The following DLEC1 variants were observed in gnomAD, a reference collection of about 807,000 sequenced individuals.
DLEC1 encodes DLEC1 cilia and flagella associated protein.
In DLEC1, 146 loss-of-function variants were observed where a neutral mutation model predicts 198.1. That is an observed-to-expected ratio of 0.74 (90% CI 0.64 to 0.85). DLEC1 has a LOEUF of 0.85. Among genes scored for constraint, DLEC1 ranks in the 40% least tolerant of loss-of-function variants. The probability of loss-of-function intolerance (pLI) is 0.00; values close to 1 mark genes in which losing one functional copy is unlikely to be tolerated. For missense variants in DLEC1, 2,233 were observed against 2,220.0 expected (o/e 1.01, Z -0.12); for synonymous variants, 897 against 866.8 (o/e 1.03, Z -0.61).
intron 1 of DLEC1, among the ~76,000 whole-genome samples, chr3:38,044,385 C>T (rs1700791123): frequency 2.0e-5 from 3 of 151,728 alleles, no homozygotes; most frequent in Admixed American, 1.3e-4. Context: ...ATGGTGAAAC[C>T]CCATCTCTAC....
chr3:38,062,181 C>G lies in DLEC1; in HGVS notation c.686C>G (p.Pro229Arg), dbSNP rs1198370631. ...FHSAPKGISLPGCSKLTFSCE... is the reference protein window; with the variant it reads ...FHSAPKGISLRGCSKLTFSCE... ...CTTGATGCTGTAGGCATCTCCCTAC[C>G]TGGATGTTCAAAACTGACATTTAGC... Residue 229 changes from proline to arginine, a missense_variant, in exon 4 of 37, where the codon CCT (proline) becomes CGT (arginine). Transcript: ENST00000308059. 5.0e-6 allele frequency: 8 copies of G among 1,614,074 alleles called. No individual in the cohort carries two copies. The highest frequency in any genetic ancestry group is 1.3e-5 in the African/African-American group (1 of 74,926).
intron 6 of DLEC1, among the ~76,000 whole-genome samples, chr3:38,064,861 G>A (rs538067780): frequency 5.9e-5 from 9 of 151,752 alleles, no homozygotes; most frequent in Middle Eastern, 6.9e-3. Flanking sequence ...CAGACTGGGC[G>A]GCCGGGCAGA....
intron 33 of DLEC1, among the ~76,000 whole-genome samples, chr3:38,119,037 A>C (rs1417254402): frequency 1.3e-5 from 2 of 152,168 alleles, no homozygotes; most frequent in African/African-American, 4.8e-5. Context: ...ATGGATGGGA[A>C]GGCCCAGAGC....
intron 7 of DLEC1, 97 bp downstream of exon 7, chr3:38,084,342 A>ATAGTAGTAGTGGTGGTGG: frequency 1.2e-6 from 1 of 800,142 alleles, no homozygotes; most frequent in Non-Finnish European, 1.7e-6. Flanking sequence ...GGTAGCAATG[A>ATAGTAGTAGTGGTGGTGG]TAGTAGTAGT....
At chr3:38,052,227 TG>T in intron 2 of DLEC1, 1 of 464,998 alleles carries the variant, frequency 2.2e-6, no homozygotes, top group Non-Finnish European at 4.3e-6. Flanking sequence ...GTAGCCATAG[TG>T]GGCAGTACCT....
intron 23 of DLEC1, 61 bp downstream of exon 23, chr3:38,110,342 A>G (rs1387356938): frequency 6.3e-7 from 1 of 1,592,574 alleles, no homozygotes; most frequent in Non-Finnish European, 8.6e-7. Context: ...TACCCTGTTG[A>G]GCCTCTGTGT....
At chr3:38,057,389 A>G (rs6762423) in intron 2 of DLEC1, among the ~76,000 whole-genome samples, 62,372 of 151,840 alleles carry the variant, frequency 0.41, 13,294 homozygotes, top group East Asian at 0.59. Context: ...CTACTCAGGC[A>G]GCTGAGGTAG....
rs879129359 is a variant in DLEC1, at chr3:38,120,622, C to G, written c.4866+13C>G. The G allele has an allele frequency of 3.7e-6, 6 of 1,612,450 alleles. No homozygotes were observed. The South Asian group carries it at 5.5e-5, about 15-fold the overall frequency. On this transcript the variant is annotated intron_variant, in intron 34 of 36. Coordinates refer to ENST00000308059, the MANE Select transcript of DLEC1 (RefSeq NM_007335.4). Reference sequence around the variant, plus strand: ...CCAGACCACTCAGGCACGCCCCAGGCCCACCTACATGTGGAGGAGGGTGGA... The same window carrying G: ...CCAGACCACTCAGGCACGCCCCAGGGCCACCTACATGTGGAGGAGGGTGGA...
intron 6 of DLEC1, among the ~76,000 whole-genome samples, chr3:38,077,839 A>T (rs1445909858): frequency 1.3e-5 from 2 of 151,846 alleles, no homozygotes; most frequent in Non-Finnish European, 2.9e-5. Flanking sequence ...TAGGGAAGGG[A>T]GGGGGCCTGA....
intron 34 of DLEC1, 34 bp from the exon 35 acceptor site, chr3:38,121,594 C>A: frequency 6.2e-7 from 1 of 1,602,402 alleles, no homozygotes; most frequent in South Asian, 1.1e-5. Context: ...TCAGAGCCCA[C>A]CCAGAATGGA....
Position 38,093,472 on chromosome 3 carries a change from C to T in DLEC1, c.1757-133C>T, listed in dbSNP as rs951147253. ...CCTGTGGGCGGATATCCCCCTTTTC[C>T]CTCCAGTGTGAGCTTGCAGGAATCA... On this transcript the variant is annotated intron_variant, in intron 11 of 36. Coordinates refer to ENST00000308059, the MANE Select transcript of DLEC1 (RefSeq NM_007335.4). 2.1e-4 allele frequency: 216 copies of T among 1,041,504 alleles called. 1 individual carries two copies. The highest frequency in any genetic ancestry group is 2.8e-4 in the Non-Finnish European group (200 of 706,580). The allele number at this position is 1,041,504 out of a possible 1,614,324, so 64.5% of individuals were successfully genotyped here.
intron 3 of DLEC1, among the ~76,000 whole-genome samples, chr3:38,061,898 A>G (rs1214840289): frequency 6.6e-6 from 1 of 152,222 alleles, no homozygotes; most frequent in Non-Finnish European, 1.5e-5. Flanking sequence ...GGCTGGTGTC[A>G]ACTCCTGGGC....
At position 38,123,739 on chromosome 3, in the gene DLEC1, A is replaced by T. The variant is rs1700599344; in HGVS notation, c.*1327A>T. On this transcript the variant is annotated 3_prime_UTR_variant, in exon 37 of 37. Transcript: ENST00000308059. ...ATTTTTAGGCCAGGTGTGGTGGCTC[A>T]AACCTGTAATCCCAACACTTTGGGA... 1 of 152,324 alleles carries T rather than the reference A, an allele frequency of 6.6e-6. No homozygotes were observed. The highest frequency in any genetic ancestry group is 1.9e-4 in the East Asian group (1 of 5,198). 9.4% of individuals were successfully genotyped at this position (152,324 alleles called of 1,614,324 possible). A position where few individuals can be genotyped will look rare whatever the true frequency, so the allele number is the denominator to read the frequency against.
intron 19 of DLEC1, among the ~76,000 whole-genome samples, chr3:38,104,491 T>C (rs891067990): frequency 1.3e-5 from 2 of 152,142 alleles, no homozygotes; most frequent in African/African-American, 4.8e-5. Context: ...GATTTTTTTT[T>C]TTTTCTCAGT....
chr3:38,122,833 TAA>T lies in DLEC1; in HGVS notation c.*423_*424del, dbSNP rs906509505. 8 of 826,836 alleles carry T rather than the reference TAA, an allele frequency of 9.7e-6. No homozygotes were observed. The highest frequency in any genetic ancestry group is 7.3e-4 in the Middle Eastern group (2 of 2,746). 51.2% of individuals were successfully genotyped at this position (826,836 alleles called of 1,614,324 possible). On this transcript the variant is annotated 3_prime_UTR_variant, in exon 37 of 37. Coordinates refer to ENST00000308059, the MANE Select transcript of DLEC1 (RefSeq NM_007335.4). ...CCAGGCTGCTTTTATCTTGCACAGC[TAA>T]AGAGGGTCTGATGGGTGGCTCAACA...
intron 9 of DLEC1, among the ~76,000 whole-genome samples, chr3:38,087,028 C>A (rs975140325): frequency 2.0e-5 from 3 of 150,314 alleles, no homozygotes; most frequent in Non-Finnish European, 4.4e-5. Flanking sequence ...GAGCCGAGAT[C>A]GCACCACTAC....
chr3:38,086,414 A>T, intron 9 of DLEC1, 37 bp downstream of exon 9: 1 of 1,576,418 alleles, frequency 6.3e-7, no homozygotes, highest in South Asian at 1.2e-5. Context: ...AAAAATTACA[A>T]GTCCATCAAA....
intron 10 of DLEC1, among the ~76,000 whole-genome samples, chr3:38,091,530 A>G (rs1403111535): frequency 6.6e-6 from 1 of 152,194 alleles, no homozygotes. Context: ...GATTACCTCA[A>G]ACGAAAAAGC....
intron 1 of DLEC1, among the ~76,000 whole-genome samples, chr3:38,042,892 TC>T (rs1485787549): frequency 6.6e-6 from 1 of 152,160 alleles, no homozygotes; most frequent in Non-Finnish European, 1.5e-5. Flanking sequence ...TCTCCCTCTT[TC>T]CTTTTTCGTC....
Sources: allele counts gnomAD v4.1 joint callset (sites outside exome capture counted in the v4.1 genomes callset), GRCh38; gene constraint gnomAD v4.1.1; transcripts MANE v1.5; gene names NCBI Gene and HGNC (gene_info 2026-07-23, HGNC 2026-07-21).